HAPSTR1: variants seen among roughly 807,000 people sequenced by gnomAD.
The protein encoded by HAPSTR1 is HUWE1 associated protein modifying stress responses.
At chr16:9,100,048 G>A in the HAPSTR1 span, among the ~76,000 whole-genome samples, 1 of 152,104 alleles carries the variant, frequency 6.6e-6, no homozygotes, top group Non-Finnish European at 1.5e-5. Flanking sequence ...ATTATGCCCC[G>A]GTGGAGCAAA....
chr16:9,092,812 C>G, the HAPSTR1 span: 4 of 1,156,670 alleles, frequency 3.5e-6, no homozygotes, highest in East Asian at 1.0e-4. Flanking sequence ...CTAATATGGC[C>G]GTTCCGGAGT....
chr16:9,102,738 A>T, the HAPSTR1 span, among the ~76,000 whole-genome samples: 10 of 149,078 alleles, frequency 6.7e-5, no homozygotes, highest in Admixed American at 1.3e-4. Flanking sequence ...TTTCTGTTAA[A>T]TTTTTTTTTT....
At chr16:9,100,559 AG>A in the HAPSTR1 span, among the ~76,000 whole-genome samples, 2 of 150,650 alleles carry the variant, frequency 1.3e-5, no homozygotes, top group South Asian at 2.1e-4. Flanking sequence ...TTTGAGAGAG[AG>A]TCTTACTCTT....
chr16:9,094,773 T>C, the HAPSTR1 span, among the ~76,000 whole-genome samples: 1 of 152,186 alleles, frequency 6.6e-6, no homozygotes, highest in African/African-American at 2.4e-5. Context: ...GCTTTGTGCT[T>C]GAAGGGGAAG....
chr16:9,101,237 C>T, the HAPSTR1 span, among the ~76,000 whole-genome samples: 1 of 152,248 alleles, frequency 6.6e-6, no homozygotes, highest in East Asian at 1.9e-4. Flanking sequence ...AAATCTTTTC[C>T]TAAAGAGATG....
the HAPSTR1 span, chr16:9,092,892 G>GTTTTTTTTTTT: frequency 7.9e-7 from 1 of 1,267,512 alleles, no homozygotes. Context: ...TTTCTTTTTG[G>GTTTTTTTTTTT]TTTTTTTTTT....
chr16:9,119,140 T>A, the HAPSTR1 span: 1 of 152,614 alleles, frequency 6.6e-6, no homozygotes, highest in Non-Finnish European at 1.5e-5. Flanking sequence ...TGTCACCCAG[T>A]CGCAACTTTT....
At chr16:9,109,856 G>A in the HAPSTR1 span, 2 of 152,040 alleles carry the variant, frequency 1.3e-5, no homozygotes, top group African/African-American at 2.4e-5. Context: ...GTTGATTGCC[G>A]AGGCCTTTTT....
At chr16:9,095,845 C>G in the HAPSTR1 span, among the ~76,000 whole-genome samples, 2 of 152,066 alleles carry the variant, frequency 1.3e-5, no homozygotes, top group South Asian at 2.1e-4. Context: ...TCAGACTTGT[C>G]TTCCCCTTTC....
chr16:9,103,303 G>C, the HAPSTR1 span: 1 of 1,585,974 alleles, frequency 6.3e-7, no homozygotes, highest in East Asian at 2.3e-5. Flanking sequence ...TGGTTAAGAG[G>C]GTGCCTGTGG....
At chr16:9,104,362 C>G in the HAPSTR1 span, 2 of 152,248 alleles carry the variant, frequency 1.3e-5, no homozygotes, top group African/African-American at 4.8e-5. Context: ...CTTGGCCTCC[C>G]AAAGTGTTGG....
the HAPSTR1 span, chr16:9,119,826 C>CA: frequency 6.6e-6 from 1 of 152,228 alleles, no homozygotes; most frequent in African/African-American, 2.4e-5. Context: ...TACTGGAACT[C>CA]ATTAAACTCG....
chr16:9,091,873 G>T, the HAPSTR1 span: 1 of 460,350 alleles, frequency 2.2e-6, no homozygotes, highest in Non-Finnish European at 3.5e-6. Flanking sequence ...CGGGGCCGCG[G>T]GGCGGGGCTC....
At chr16:9,117,031 A>T in the HAPSTR1 span, 1 of 1,425,476 alleles carries the variant, frequency 7.0e-7, no homozygotes, top group Admixed American at 2.2e-5. Context: ...AGACAAGTGA[A>T]TTCTATAGTG....
the HAPSTR1 span, among the ~76,000 whole-genome samples, chr16:9,102,738 A>AT: frequency 2.8e-3 from 421 of 149,116 alleles, no homozygotes; most frequent in South Asian, 4.9e-3. Context: ...TTTCTGTTAA[A>AT]TTTTTTTTTT....
At chr16:9,116,524 T>C in the HAPSTR1 span, 2 of 1,068,286 alleles carry the variant, frequency 1.9e-6, no homozygotes. Flanking sequence ...TTATCCAGAA[T>C]AAAACTTAAT....
At chr16:9,095,293 G>C in the HAPSTR1 span, among the ~76,000 whole-genome samples, 1 of 152,120 alleles carries the variant, frequency 6.6e-6, no homozygotes, top group Non-Finnish European at 1.5e-5. Context: ...GTGGTCTTTA[G>C]AGAACAGGCA....
chr16:9,097,884 A>G, the HAPSTR1 span, among the ~76,000 whole-genome samples: 2 of 152,230 alleles, frequency 1.3e-5, no homozygotes, highest in Non-Finnish European at 2.9e-5. Context: ...AGGGTTATGC[A>G]CATGAGTTGA....
chr16:9,101,703 G>T, the HAPSTR1 span, among the ~76,000 whole-genome samples: 2 of 149,430 alleles, frequency 1.3e-5, no homozygotes, highest in Non-Finnish European at 3.0e-5. Context: ...TTCTTTAATA[G>T]TGCAAATTCA....
Sources: allele counts gnomAD v4.1 joint callset (sites outside exome capture counted in the v4.1 genomes callset), GRCh38; gene constraint gnomAD v4.1.1; transcripts MANE v1.5; gene names NCBI Gene and HGNC (gene_info 2026-07-23, HGNC 2026-07-21).